The following TXNRD1 variants were observed in gnomAD, a reference collection of about 807,000 sequenced individuals.
TXNRD1 encodes the protein thioredoxin reductase 1, cytoplasmic.
A neutral mutation model predicts 80.3 loss-of-function variants in TXNRD1; 57 were observed. The ratio of observed to expected loss-of-function variants is 0.71; its 90% CI spans 0.57 to 0.89. The LOEUF (loss-of-function observed/expected upper bound fraction) is 0.89, where lower values mean the gene tolerates loss of function less well. Ranked by LOEUF, TXNRD1 falls within the 40% of genes least tolerant of loss-of-function variation. The pLI, the probability that TXNRD1 is intolerant of heterozygous loss-of-function variation, is 0.00. For synonymous variants in TXNRD1, 291 were observed against 285.2 expected (o/e 1.02, Z -0.20); for missense variants, 730 against 803.0 (o/e 0.91, Z 1.10).
rs2035950049 is a variant in TXNRD1 at position 104,331,641 on chromosome 12, G to GGTAA, written c.1650+3_1650+6dup. ...AGAAGTTTGGGGAAGAAAATATTGA[G>GGTAA]GTAAGTTCTTTTCCTCTTTTCTCCT... On this transcript the variant is annotated frameshift_variant and splice_region_variant. Transcript: ENST00000525566. LOFTEE classifies it high-confidence loss of function. The GGTAA allele has an allele frequency of 4.4e-6, 7 of 1,598,958 alleles. No homozygotes were observed. The highest frequency in any genetic ancestry group is 5.1e-6 in the Non-Finnish European group (6 of 1,168,540).
At chr12:104,315,000 C>G (rs1189929676) in intron 6 of TXNRD1, among the ~76,000 whole-genome samples, 1 of 152,154 alleles carries the variant, frequency 6.6e-6, no homozygotes, top group Non-Finnish European at 1.5e-5. Context: ...GCCTCGGCCT[C>G]CCAAAGTGCT....
chr12:104,281,121 C>T (rs1242542867), intron 3 of TXNRD1, among the ~76,000 whole-genome samples: 1 of 152,124 alleles, frequency 6.6e-6, no homozygotes, highest in Non-Finnish European at 1.5e-5. Context: ...TTGTTTTCCC[C>T]CACCTCCCAT....
At chr12:104,257,609 A>G (rs1287198088) in intron 2 of TXNRD1, among the ~76,000 whole-genome samples, 2 of 151,964 alleles carry the variant, frequency 1.3e-5, no homozygotes, top group Non-Finnish European at 2.9e-5. Context: ...GGGTTTCCCC[A>G]TGTTGGCCAG....
At chr12:104,323,490 G>A (rs1402501274) in intron 10 of TXNRD1, among the ~76,000 whole-genome samples, 419 of 140,326 alleles carry the variant, frequency 3.0e-3, no homozygotes, top group Middle Eastern at 0.019. Flanking sequence ...GGGCAGAGGC[G>A]CCCCTCACCT....
At chr12:104,284,709 G>GA (rs1461104607) in intron 3 of TXNRD1, among the ~76,000 whole-genome samples, 1 of 152,192 alleles carries the variant, frequency 6.6e-6, no homozygotes, top group African/African-American at 2.4e-5. Flanking sequence ...GGGGGACAAA[G>GA]AAGAGGGAAG....
intron 2 of TXNRD1, among the ~76,000 whole-genome samples, chr12:104,253,553 C>G (rs2033176677): frequency 6.6e-6 from 1 of 152,264 alleles, no homozygotes; most frequent in East Asian, 1.9e-4. Context: ...CTATGTAATT[C>G]TTGGCCTCTA....
At chr12:104,245,678 C>CATTTG (rs1345407867) in intron 1 of TXNRD1, among the ~76,000 whole-genome samples, 2 of 143,066 alleles carry the variant, frequency 1.4e-5, no homozygotes, top group Non-Finnish European at 3.0e-5. Context: ...AAAGTATGGC[C>CATTTG]ATTTGAGTAG....
At chr12:104,229,492 T>C (rs2032561591) in intron 1 of TXNRD1, among the ~76,000 whole-genome samples, 1 of 152,174 alleles carries the variant, frequency 6.6e-6, no homozygotes, top group Admixed American at 6.5e-5. Context: ...TTTCAAGGTT[T>C]ATTCACATTG....
chr12:104,238,941 G>T (rs1010967251), intron 1 of TXNRD1, among the ~76,000 whole-genome samples: 1 of 151,948 alleles, frequency 6.6e-6, no homozygotes, highest in African/African-American at 2.4e-5. Context: ...TTGCCTCCCG[G>T]GTTCAAGTGA....
At chr12:104,273,359 C>T (rs569827708) in intron 3 of TXNRD1, among the ~76,000 whole-genome samples, 3 of 152,066 alleles carry the variant, frequency 2.0e-5, no homozygotes, top group Non-Finnish European at 4.4e-5. Flanking sequence ...TAATGGGAGG[C>T]GGAGGTGGGT....
At chr12:104,232,762 C>A (rs748415480) in intron 1 of TXNRD1, among the ~76,000 whole-genome samples, 1 of 152,120 alleles carries the variant, frequency 6.6e-6, no homozygotes, top group Non-Finnish European at 1.5e-5. Context: ...AAGGAAATAG[C>A]GCTCGAATAT....
rs1399912458 is a variant in TXNRD1 at position 104,339,141 on chromosome 12, A to G, written c.1749A>G (p.Glu583=). 2 of 1,613,566 alleles carry G rather than the reference A, an allele frequency of 1.2e-6. No individual in the cohort carries two copies. Among genetic ancestry groups the G allele is most frequent in the Non-Finnish European group, 1.7e-6 (2 of 1,179,800 alleles). ...TATTGTATTTTTTTTTGCCTTAGGA[A>G]CGTGTTGTGGGCTTTCACGTACTGG... ...AKIICNTKDN[E]RVVGFHVLGP... The change falls in exon 16 of 17, where the codon GAA becomes GAG. Residue 583 remains glutamate, a splice_region_variant and synonymous_variant. Transcript: ENST00000525566.
chr12:104,264,652 CATGTTAT>C (rs1183023015), intron 3 of TXNRD1, among the ~76,000 whole-genome samples: 2 of 152,028 alleles, frequency 1.3e-5, no homozygotes, highest in Non-Finnish European at 2.9e-5. Context: ...TAATATTTTA[CATGTTAT>C]ATAAGTTCTT....
chr12:104,273,604 C>A (rs548902982), intron 3 of TXNRD1, among the ~76,000 whole-genome samples: 1 of 151,674 alleles, frequency 6.6e-6, no homozygotes, highest in South Asian at 2.1e-4. Flanking sequence ...AAAGAACAAA[C>A]ATACAAACAA....
intron 10 of TXNRD1, among the ~76,000 whole-genome samples, chr12:104,325,089 T>A (rs2135845634): frequency 6.6e-6 from 1 of 152,344 alleles, no homozygotes; most frequent in South Asian, 2.1e-4. Context: ...CCCCCCATTT[T>A]TCTCTGAATT....
intron 3 of TXNRD1, among the ~76,000 whole-genome samples, chr12:104,272,630 A>G (rs1323304186): frequency 2.0e-5 from 3 of 152,064 alleles, no homozygotes; most frequent in Non-Finnish European, 4.4e-5. Flanking sequence ...TCTCTACTAA[A>G]AATACAAAAA....
intron 1 of TXNRD1, among the ~76,000 whole-genome samples, chr12:104,247,034 T>A (rs1331518691): frequency 6.6e-6 from 1 of 152,016 alleles, no homozygotes; most frequent in Admixed American, 6.6e-5. Context: ...TGGGGCAAAA[T>A]GAAAGCAACT....
At chr12:104,222,308 C>G (rs2032374409) in intron 1 of TXNRD1, among the ~76,000 whole-genome samples, 1 of 152,004 alleles carries the variant, frequency 6.6e-6, no homozygotes, top group African/African-American at 2.4e-5. Context: ...AGAGAAGTGT[C>G]TGAGTGAACA....
chr12:104,272,588 A>G (rs949954603), intron 3 of TXNRD1, among the ~76,000 whole-genome samples: 1 of 152,148 alleles, frequency 6.6e-6, no homozygotes, highest in African/African-American at 2.4e-5. Flanking sequence ...AGGTCAGGAG[A>G]TCAAGACCAT....
Sources: gnomAD v4.1 joint callset for allele counts (sites outside exome capture counted in the v4.1 genomes callset) on GRCh38, gnomAD v4.1.1 for gene constraint, MANE v1.5 for transcripts, NCBI Gene and HGNC (gene_info 2026-07-23, HGNC 2026-07-21) for gene names.